The following ACTR3C variants were observed in gnomAD, a reference collection of about 807,000 sequenced individuals.
ACTR3C encodes actin related protein 3C.
In ACTR3C, 18 loss-of-function variants were observed where a neutral mutation model predicts 26.3. The ratio of observed to expected loss-of-function variants is 0.68; its 90% CI spans 0.47 to 1.01. The LOEUF is 1.01. ACTR3C is among the 50% of genes least tolerant of loss of function. ACTR3C has a pLI of 0.00. For missense variants in ACTR3C, 184 were observed against 250.7 expected (o/e 0.73, Z 1.80); for synonymous variants, 55 against 94.5 (o/e 0.58, Z 2.42).
At chr7:149,893,152 C>T in the ACTR3C span, among the ~76,000 whole-genome samples, 1 of 152,214 alleles carries the variant, frequency 6.6e-6, no homozygotes, top group Admixed American at 6.5e-5. Context: ...CTCCTGCTCA[C>T]ACTCTCGAGC....
chr7:150,073,587 C>G, the ACTR3C span: 1 of 148,202 alleles, frequency 6.7e-6, no homozygotes, highest in Non-Finnish European at 1.5e-5. Flanking sequence ...CAACAAATCT[C>G]TTTTGCATTA....
At chr7:150,115,756 T>A in the ACTR3C span, among the ~76,000 whole-genome samples, 1 of 152,224 alleles carries the variant, frequency 6.6e-6, no homozygotes, top group African/African-American at 2.4e-5. Flanking sequence ...TGCCTGGATC[T>A]TAATCTCTAT....
the ACTR3C span, among the ~76,000 whole-genome samples, chr7:150,143,246 G>T: frequency 6.6e-6 from 1 of 152,052 alleles, no homozygotes; most frequent in Non-Finnish European, 1.5e-5. Flanking sequence ...AACGCATTTT[G>T]TTTAGCATCT....
At chr7:150,163,013 G>C in the ACTR3C span, among the ~76,000 whole-genome samples, 4 of 152,084 alleles carry the variant, frequency 2.6e-5, no homozygotes, top group Admixed American at 6.6e-5. Flanking sequence ...AATTAGCTGG[G>C]TGTGGTGGTG....
chr7:150,013,529 A>T, the ACTR3C span, among the ~76,000 whole-genome samples: 1 of 152,348 alleles, frequency 6.6e-6, no homozygotes, highest in Admixed American at 6.5e-5. Flanking sequence ...AAGAGATTGG[A>T]GCCTGTCCCA....
At chr7:150,174,946 C>T in the ACTR3C span, among the ~76,000 whole-genome samples, 1 of 145,310 alleles carries the variant, frequency 6.9e-6, no homozygotes, top group South Asian at 2.1e-4. Context: ...TAGATTCAAC[C>T]TAATTCCCAT....
chr7:150,275,843 T>C (rs150410170), intron 6 of ACTR3C, among the ~76,000 whole-genome samples: 58 of 152,334 alleles, frequency 3.8e-4, no homozygotes, highest in African/African-American at 1.3e-3. Flanking sequence ...TGCTCATCTG[T>C]AGAGTCTAAG....
the ACTR3C span, chr7:150,001,853 G>A: frequency 3.3e-5 from 5 of 151,892 alleles, no homozygotes; most frequent in Non-Finnish European, 7.4e-5. Context: ...GTCCCAGGAA[G>A]ATGTAGAAAG....
chr7:150,274,825 CACTT>C lies in ACTR3C; in HGVS notation c.564+9924_564+9927del, dbSNP rs1584896207. On this transcript the variant is annotated intron_variant, in intron 6 of 7. Transcript: ENST00000683684. This position sits in a 1 kb window ranked among gnomAD's most constrained non-coding sequence, Gnocchi z 4.1. ...CCAATATGATCGATTCTAAAAAAAACACTTAATTCAGAAAACAAAGTGATCCCTT... is the reference window on the plus strand; with the variant it reads ...CCAATATGATCGATTCTAAAAAAAACAATTCAGAAAACAAAGTGATCCCTT... Among the ~76,000 whole-genome samples, 2 of 152,216 alleles carry C rather than the reference CACTT, an allele frequency of 1.3e-5. No homozygotes were observed. The highest frequency in any genetic ancestry group is 2.1e-4 in the South Asian group (1 of 4,834).
the ACTR3C span, among the ~76,000 whole-genome samples, chr7:150,023,342 T>TACATAGATAG: frequency 2.2e-4 from 4 of 18,266 alleles, no homozygotes; most frequent in Non-Finnish European, 4.8e-4. Flanking sequence ...TACATACATA[T>TACATAGATAG]ATATTTTAGA....
the ACTR3C span, among the ~76,000 whole-genome samples, chr7:150,155,961 TA>T: frequency 6.6e-6 from 1 of 151,874 alleles, no homozygotes. Context: ...TTTGAGAGAG[TA>T]AAAGTTGACC....
the ACTR3C span, among the ~76,000 whole-genome samples, chr7:149,998,164 G>C: frequency 6.6e-6 from 1 of 150,970 alleles, no homozygotes; most frequent in African/African-American, 2.4e-5. Context: ...TCACCCTGTG[G>C]CAAGCAGAGC....
chr7:149,940,970 A>G, the ACTR3C span, among the ~76,000 whole-genome samples: 1 of 152,044 alleles, frequency 6.6e-6, no homozygotes, highest in African/African-American at 2.4e-5. Flanking sequence ...CTTAAGTCTA[A>G]GGATGACACC....
At chr7:150,209,206 CAGAGAG>C in the ACTR3C span, among the ~76,000 whole-genome samples, 5 of 136,230 alleles carry the variant, frequency 3.7e-5, 1 homozygote, top group East Asian at 2.0e-4. Context: ...CACACACATA[CAGAGAG>C]AGAGAGAGAG....
chr7:150,186,146 C>T, the ACTR3C span, among the ~76,000 whole-genome samples: 3 of 152,208 alleles, frequency 2.0e-5, no homozygotes, highest in Middle Eastern at 6.8e-3. Flanking sequence ...ATTATGGTGA[C>T]GTGCATAGAT....
intron 1 of ACTR3C, among the ~76,000 whole-genome samples, chr7:150,308,020 T>A (rs1239985339): frequency 6.6e-6 from 1 of 152,170 alleles, no homozygotes; most frequent in Non-Finnish European, 1.5e-5. Context: ...CTGGAGCTGG[T>A]CACAGACTCG....
At chr7:150,211,335 T>A in the ACTR3C span, among the ~76,000 whole-genome samples, 5 of 149,582 alleles carry the variant, frequency 3.3e-5, no homozygotes, top group Non-Finnish European at 7.3e-5. Context: ...CAGGCTGGAG[T>A]GCAGTGGCAC....
chr7:150,286,444 C>T lies in ACTR3C; in HGVS notation c.394G>A (p.Ala132Thr), dbSNP rs1169709691. The T allele has an allele frequency of 2.5e-6, 4 of 1,613,366 alleles. No homozygotes were observed. In the South Asian group the frequency reaches 4.4e-5, roughly 18 times the overall value. ...KWIKQYTGINAINQKKFVIDV... is the reference protein window; with the variant it reads ...KWIKQYTGINTINQKKFVIDV... ...ATAACAAACTTCTTCTGGTTGATCG[C>T]ATTGATACCCGTGTACTGTTTGATC... The change falls in exon 5 of 8, where the codon GCG (alanine) becomes ACG (threonine). Residue 132 changes from alanine to threonine, a missense_variant. Coordinates refer to ENST00000683684, the MANE Select transcript of ACTR3C (RefSeq NM_001164458.2).
At chr7:149,971,365 T>C in the ACTR3C span, among the ~76,000 whole-genome samples, 4 of 152,266 alleles carry the variant, frequency 2.6e-5, no homozygotes, top group South Asian at 4.2e-4. Flanking sequence ...GACTTCCTTG[T>C]AAGAGGCCAT....
Sources: allele counts gnomAD v4.1 joint callset (sites outside exome capture counted in the v4.1 genomes callset), GRCh38; gene constraint gnomAD v4.1.1; non-coding constraint Gnocchi (gnomAD v3.1); transcripts MANE v1.5; gene names NCBI Gene and HGNC (gene_info 2026-07-23, HGNC 2026-07-21).